SHC4: variants seen among roughly 807,000 people sequenced by gnomAD.
SHC4 encodes SHC adaptor protein 4.
A neutral mutation model predicts 69.4 loss-of-function variants in SHC4; 41 were observed. The ratio of observed to expected loss-of-function variants is 0.59; its 90% CI spans 0.46 to 0.77. SHC4 has a LOEUF of 0.77. SHC4 is among the 30% of genes least tolerant of loss of function. The pLI, the probability that SHC4 is intolerant of heterozygous loss-of-function variation, is 0.00. For missense variants in SHC4, 777 were observed against 783.8 expected (o/e 0.99, Z 0.10); for synonymous variants, 318 against 299.3 (o/e 1.06, Z -0.64).
At chr15:48,941,120 G>A (rs1234385848) in intron 1 of SHC4, among the ~76,000 whole-genome samples, 4 of 152,096 alleles carry the variant, frequency 2.6e-5, no homozygotes, top group African/African-American at 9.7e-5. Context: ...ATGTCACTCA[G>A]CATTTAAAGG....
chr15:48,912,882 G>C (rs540626119), intron 2 of SHC4, among the ~76,000 whole-genome samples: 1 of 151,866 alleles, frequency 6.6e-6, no homozygotes, highest in South Asian at 2.1e-4. Context: ...CACCCAGTGA[G>C]TCTACCTGGC....
chr15:48,894,654 T>C (rs567274905), intron 2 of SHC4, among the ~76,000 whole-genome samples: 56 of 152,318 alleles, frequency 3.7e-4, no homozygotes, highest in Non-Finnish European at 7.1e-4. Flanking sequence ...TACCTGTTTC[T>C]ATTCCCAAAA....
intron 6 of SHC4, among the ~76,000 whole-genome samples, chr15:48,861,515 C>A (rs1019111894): frequency 6.6e-6 from 1 of 152,144 alleles, no homozygotes; most frequent in Non-Finnish European, 1.5e-5. Context: ...TATAAATATG[C>A]CCATTTCCCA....
intron 1 of SHC4, among the ~76,000 whole-genome samples, chr15:48,932,882 A>G (rs1037202597): frequency 1.3e-5 from 2 of 152,184 alleles, no homozygotes; most frequent in African/African-American, 2.4e-5. Flanking sequence ...AGCCTGGATC[A>G]ACAATATTCT....
intron 11 of SHC4, among the ~76,000 whole-genome samples, chr15:48,830,611 A>G (rs1269336047): frequency 6.6e-6 from 1 of 152,224 alleles, no homozygotes; most frequent in Non-Finnish European, 1.5e-5. Flanking sequence ...GAAAAAGAAG[A>G]AGAACCCCCC....
At chr15:48,913,813 T>C (rs1900561284) in intron 2 of SHC4, among the ~76,000 whole-genome samples, 1 of 152,144 alleles carries the variant, frequency 6.6e-6, no homozygotes, top group African/African-American at 2.4e-5. Context: ...CGTTCAGCTC[T>C]CCAAATTGAC....
At chr15:48,852,759 G>A (rs1395279472) in intron 8 of SHC4, among the ~76,000 whole-genome samples, 1 of 151,806 alleles carries the variant, frequency 6.6e-6, no homozygotes, top group East Asian at 1.9e-4. Context: ...AACATTAGCT[G>A]GGCATGGTGG....
intron 1 of SHC4, among the ~76,000 whole-genome samples, chr15:48,961,060 G>C (rs1284882989): frequency 6.6e-6 from 1 of 152,138 alleles, no homozygotes; most frequent in Non-Finnish European, 1.5e-5. Context: ...TCATTCTTCT[G>C]TCACAGAATG....
intron 1 of SHC4, among the ~76,000 whole-genome samples, chr15:48,932,258 A>C (rs1038669801): frequency 1.3e-5 from 2 of 152,182 alleles, no homozygotes; most frequent in African/African-American, 4.8e-5. Context: ...TAGAGAACTT[A>C]AGAATCACCA....
At chr15:48,962,375 A>G in intron 1 of SHC4, 56 bp downstream of exon 1, 8 of 1,492,546 alleles carry the variant, frequency 5.4e-6, no homozygotes, top group Non-Finnish European at 7.2e-6. Flanking sequence ...CAGAAAGCAG[A>G]GAAGATGCCC....
At chr15:48,878,933 A>C (rs1899885735) in intron 4 of SHC4, 2 of 508,130 alleles carry the variant, frequency 3.9e-6, no homozygotes, top group Non-Finnish European at 7.1e-6. Flanking sequence ...AAGAAAAAGA[A>C]AAAAGATTTT....
At chr15:48,905,987 A>G (rs942421336) in intron 2 of SHC4, among the ~76,000 whole-genome samples, 2 of 152,194 alleles carry the variant, frequency 1.3e-5, no homozygotes, top group Non-Finnish European at 2.9e-5. Flanking sequence ...AAAAGATGCT[A>G]TAATTGGGAG....
In SHC4 at chr15:48,962,394, G is replaced by A. The variant is rs190531273; in HGVS notation, c.585+37C>T. The A allele has an allele frequency of 3.6e-4, 550 of 1,507,846 alleles. 6 individuals carry two copies. The South Asian group carries it at 4.7e-3, about 13-fold the overall frequency. 93.4% of individuals were successfully genotyped at this position (1,507,846 alleles called of 1,614,324 possible). On this transcript the variant is annotated intron_variant, in intron 1 of 11. Transcript: ENST00000332408. ...AAGCAGAGAAGATGCCCCCTTCCAC[G>A]GAAGTTCTTAGAGGGCAGAGAGGAA... is the stretch of plus-strand genomic sequence containing the variant.
intron 2 of SHC4, among the ~76,000 whole-genome samples, chr15:48,899,055 A>C (rs80317781): frequency 1.4e-5 from 2 of 147,474 alleles, no homozygotes; most frequent in South Asian, 2.1e-4. Flanking sequence ...AAAAAAAAAA[A>C]AAAAAAACCG....
At chr15:48,889,618 G>A (rs1449666018) in intron 3 of SHC4, among the ~76,000 whole-genome samples, 1 of 152,230 alleles carries the variant, frequency 6.6e-6, no homozygotes, top group Non-Finnish European at 1.5e-5. Flanking sequence ...GCCGAGGCAG[G>A]CGGATCATGA....
intron 1 of SHC4, among the ~76,000 whole-genome samples, chr15:48,961,379 A>G (rs540672442): frequency 6.6e-6 from 1 of 152,222 alleles, no homozygotes; most frequent in East Asian, 1.9e-4. Context: ...TATTCAACTC[A>G]TACTTGTTTG....
At chr15:48,851,002 T>C (rs1194831880) in intron 9 of SHC4, among the ~76,000 whole-genome samples, 186 bp downstream of exon 9, 1 of 152,194 alleles carries the variant, frequency 6.6e-6, no homozygotes, top group Non-Finnish European at 1.5e-5. Flanking sequence ...GGGAGAACCA[T>C]GAGCCTTCCT....
At chr15:48,945,262 T>C (rs1901253890) in intron 1 of SHC4, among the ~76,000 whole-genome samples, 1 of 151,872 alleles carries the variant, frequency 6.6e-6, no homozygotes, top group Non-Finnish European at 1.5e-5. Flanking sequence ...AATCCAGACT[T>C]CAGGGGCAAC....
At chr15:48,878,000 A>G (rs922897223) in intron 4 of SHC4, 3 of 675,450 alleles carry the variant, frequency 4.4e-6, no homozygotes, top group Non-Finnish European at 6.9e-6. Context: ...AACACCCCGG[A>G]GAAAACACTG....
Sources: allele counts gnomAD v4.1 joint callset (sites outside exome capture counted in the v4.1 genomes callset), GRCh38; gene constraint gnomAD v4.1.1; transcripts MANE v1.5; gene names NCBI Gene and HGNC (gene_info 2026-07-23, HGNC 2026-07-21).